ATP7A: variants seen among roughly 807,000 people sequenced by gnomAD.
ATP7A encodes ATPase copper transporting alpha.
Under a neutral mutation model 83.5 loss-of-function variants are expected in ATP7A, and 7 were observed. The ratio of observed to expected loss-of-function variants is 0.08; its 90% CI spans 0.05 to 0.16. ATP7A has a LOEUF of 0.16. Ranked by LOEUF, ATP7A falls within the 10% of genes least tolerant of loss-of-function variation. The probability of loss-of-function intolerance (pLI) is 1.00; values close to 1 mark genes in which losing one functional copy is unlikely to be tolerated. For synonymous variants in ATP7A, 354 were observed against 395.2 expected (o/e 0.90, Z 1.24); for missense variants, 940 against 1,120.8 (o/e 0.84, Z 2.30).
At chrX:77,986,381 A>G (rs782060766) in intron 2 of ATP7A, among the ~76,000 whole-genome samples, 39 of 112,813 alleles carry the variant, frequency 3.5e-4, no homozygotes, top group Non-Finnish European at 6.6e-4. Flanking sequence ...TTTTAATTAT[A>G]ATTTTGAGTT....
intron 1 of ATP7A, among the ~76,000 whole-genome samples, chrX:77,931,468 T>C (rs1455967642): frequency 2.7e-5 from 3 of 111,587 alleles, no homozygotes; most frequent in African/African-American, 6.5e-5. Context: ...CCACCTTTCC[T>C]CCCTTTCTAT....
rs188421674 is a variant in ATP7A at position 78,029,241 on chromosome X, C to T, written c.2917-9C>T. On this transcript the variant is annotated splice_polypyrimidine_tract_variant and intron_variant, in intron 14 of 22. Transcript: ENST00000341514. ...ATCAATAACCAAAATTTATGCCTTT[C>T]TTCTAAAGGGCTACAATAGAAGTAT... The T allele has an allele frequency of 4.1e-6, 5 of 1,207,614 alleles. No individual in the cohort carries two copies. Among genetic ancestry groups the T allele is most frequent in the East Asian group, 3.0e-5 (1 of 33,765 alleles).
chrX:77,911,910 C>T (rs2077162885), intron 1 of ATP7A, among the ~76,000 whole-genome samples: 4 of 112,135 alleles, frequency 3.6e-5, no homozygotes, highest in Admixed American at 9.5e-5. Context: ...TGCCACTGCA[C>T]TCCAGCCTGG....
At chrX:77,946,969 C>T (rs1557226227) in intron 1 of ATP7A, among the ~76,000 whole-genome samples, 2 of 111,844 alleles carry the variant, frequency 1.8e-5, no homozygotes, top group Non-Finnish European at 3.8e-5. Context: ...TTCATTGCAG[C>T]ATTATTCATA....
chrX:77,926,476 G>A (rs893251295), intron 1 of ATP7A, among the ~76,000 whole-genome samples: 1 of 109,451 alleles, frequency 9.1e-6, no homozygotes, highest in Non-Finnish European at 1.9e-5. Flanking sequence ...GGCAACAGGC[G>A]TCCACCACCA....
chrX:77,959,314 A>C (rs1474969494), intron 1 of ATP7A, among the ~76,000 whole-genome samples: 1 of 111,923 alleles, frequency 8.9e-6, no homozygotes, highest in Non-Finnish European at 1.9e-5. Context: ...TTTTCTGTAT[A>C]TAAGATCATG....
chrX:77,950,978 C>T (rs1027402916), intron 1 of ATP7A, among the ~76,000 whole-genome samples: 9 of 110,705 alleles, frequency 8.1e-5, no homozygotes, highest in African/African-American at 1.6e-4. Context: ...GCCAAGATCA[C>T]GCCACTGCAC....
intron 1 of ATP7A, among the ~76,000 whole-genome samples, chrX:77,960,143 G>A: frequency 8.9e-6 from 1 of 112,505 alleles, no homozygotes; most frequent in South Asian, 3.6e-4. Context: ...CACTTTGGGA[G>A]GTTGAGGCGG....
At chrX:77,990,674 G>A (rs782457618) in intron 4 of ATP7A, among the ~76,000 whole-genome samples, 82 of 111,918 alleles carry the variant, frequency 7.3e-4, no homozygotes, top group Non-Finnish European at 1.3e-3. Context: ...CCTTTGAACT[G>A]AAACAAAAAA....
chrX:78,005,141 A>AT (rs1207705922), intron 6 of ATP7A, among the ~76,000 whole-genome samples: 2 of 110,433 alleles, frequency 1.8e-5, no homozygotes, highest in South Asian at 3.8e-4. Context: ...TATTTGGAGC[A>AT]TTTTTTTTCA....
At chrX:77,969,391 C>G in intron 1 of ATP7A, 1 of 1,210,276 alleles carries the variant, frequency 8.3e-7, no homozygotes, top group Non-Finnish European at 1.1e-6. Flanking sequence ...GCGCCAAGTC[C>G]TCACCACTGG....
In ATP7A at chrX:78,003,198, G is replaced by C. The variant is rs782618624; in HGVS notation, c.1669G>C (p.Glu557Gln). ...RELGFGATVIENADEGDGVLE... is the reference protein window; with the variant it reads ...RELGFGATVIQNADEGDGVLE... ...ACTTGGATTTGGAGCCACTGTGATA[G>C]AAAATGCTGATGAAGGAGATGGTGT... Residue 557 changes from glutamate to glutamine, a missense_variant, in exon 6 of 23, where the codon GAA becomes CAA. Glu to Gln is a conservative substitution (Grantham distance 29, BLOSUM62 2). Transcript: ENST00000341514. 3.3e-6 allele frequency: 4 copies of C among 1,209,008 alleles called. No individual in the cohort carries two copies. The Admixed American group carries it at 8.8e-5, about 27-fold the overall frequency.
Position 78,011,693 on chromosome X carries a change from A to T in ATP7A, c.2172+19A>T. 1 of 1,194,816 alleles carries T rather than the reference A, an allele frequency of 8.4e-7. No individual in the cohort carries two copies. The highest frequency in any genetic ancestry group is 1.1e-6 in the Non-Finnish European group (1 of 880,365). On this transcript the variant is annotated intron_variant, in intron 9 of 22. Coordinates refer to ENST00000341514, the MANE Select transcript of ATP7A (RefSeq NM_000052.7). The stretch of plus-strand genomic sequence containing the variant: ...TGTACAGGCAAGTGAATTGTTAGCA[A>T]ATATATTTGTTAATAATAAAAAATA...
At chrX:77,991,590 G>A (rs781792483) in intron 4 of ATP7A, among the ~76,000 whole-genome samples, 4 of 111,338 alleles carry the variant, frequency 3.6e-5, no homozygotes, top group Admixed American at 9.6e-5. Flanking sequence ...ATATATCTAG[G>A]AGTGGAATTG....
chrX:77,936,317 A>G (rs1461573399), intron 1 of ATP7A, among the ~76,000 whole-genome samples: 1 of 112,225 alleles, frequency 8.9e-6, no homozygotes, highest in Admixed American at 9.5e-5. Flanking sequence ...TGCCTGAAGT[A>G]TTCTTCTGAC....
At chrX:77,946,472 AAATC>A (rs2077379954) in intron 1 of ATP7A, among the ~76,000 whole-genome samples, 1 of 110,707 alleles carries the variant, frequency 9.0e-6, no homozygotes, top group Non-Finnish European at 1.9e-5. Flanking sequence ...CATGAAATAG[AAATC>A]AAAGCCAATT....
At position 78,011,846 on chromosome X, in the gene ATP7A, A is replaced by G. The variant is rs1857843269; in HGVS notation, c.2172+172A>G. The G allele has an allele frequency of 7.2e-6, 4 of 552,895 alleles. No homozygotes were observed. In the East Asian group the frequency reaches 1.0e-4, roughly 14 times the overall value. 45.6% of individuals were successfully genotyped at this position (552,895 alleles called of 1,213,427 possible). On this transcript the variant is annotated intron_variant, in intron 9 of 22. Coordinates refer to ENST00000341514, the MANE Select transcript of ATP7A (RefSeq NM_000052.7). ...GGGTAGTTATTTAAGTTGATAATAGATGCCATTTAACCCCTAAGAAAGAGT... is the reference window on the plus strand; with the variant it reads ...GGGTAGTTATTTAAGTTGATAATAGGTGCCATTTAACCCCTAAGAAAGAGT...
chrX:77,959,601 G>C (rs782600871), intron 1 of ATP7A, among the ~76,000 whole-genome samples: 4 of 112,232 alleles, frequency 3.6e-5, no homozygotes, highest in Non-Finnish European at 5.6e-5. Flanking sequence ...CAGACATTTT[G>C]AAATGTCCTA....
chrX:78,040,203 C>T (rs1347379834), intron 18 of ATP7A, among the ~76,000 whole-genome samples: 1 of 99,136 alleles, frequency 1.0e-5, no homozygotes, highest in African/African-American at 3.6e-5. Flanking sequence ...CTCTCTGCCC[C>T]CCCCCCCTTA....
Sources: allele counts gnomAD v4.1 joint callset (sites outside exome capture counted in the v4.1 genomes callset), GRCh38; gene constraint gnomAD v4.1.1; transcripts MANE v1.5; gene names NCBI Gene and HGNC (gene_info 2026-07-23, HGNC 2026-07-21).